CDK2AP1: variants seen among roughly 807,000 people sequenced by gnomAD.
CDK2AP1 encodes cyclin-dependent kinase 2-associated protein 1.
CDK2AP1 carries 10 observed loss-of-function variants against 14.1 expected under a neutral mutation model. That is an observed-to-expected ratio of 0.71 (90% CI 0.44 to 1.20). CDK2AP1 has a LOEUF of 1.20. Ranked by LOEUF, CDK2AP1 falls within the 50% of genes most tolerant of loss-of-function variation. The pLI is 0.00. For missense variants in CDK2AP1, 102 were observed against 149.9 expected (o/e 0.68, Z 1.67); for synonymous variants, 59 against 59.8 (o/e 0.99, Z 0.06).
In CDK2AP1 at chr12:123,267,227, C is replaced by T. The variant is rs577136046; in HGVS notation, c.111G>A (p.Gln37=). Reference sequence around the variant, plus strand: ...ACGGTGGCCCGTAGTCACTGAGCAGCTGGCGGTACTGTGAAGACGTTGCCA... The same window carrying T: ...ACGGTGGCCCGTAGTCACTGAGCAGTTGGCGGTACTGTGAAGACGTTGCCA... ...TSMATSSQYR[Q]LLSDYGPPSL... Residue 37 remains glutamine (Q), a synonymous_variant, in exon 2 of 4, where the codon CAG becomes CAA. Coordinates refer to ENST00000261692, the MANE Select transcript of CDK2AP1 (RefSeq NM_004642.4). 40 of 1,613,444 alleles carry T rather than the reference C, an allele frequency of 2.5e-5. No individual in the cohort carries two copies. In the African/African-American group the frequency reaches 4.8e-4, roughly 19 times the overall value.
Position 123,264,795 on chromosome 12 carries a change from G to A in CDK2AP1, c.280+401C>T, listed in dbSNP as rs905598554. On this transcript the variant is annotated intron_variant, in intron 3 of 3. Coordinates refer to ENST00000261692, the MANE Select transcript of CDK2AP1 (RefSeq NM_004642.4). ...TGGGTCTCCCTCCAAAGAGGTGACA[G>A]CAGAGGGCAGTGCAGGCACCGATGA... Among the ~76,000 whole-genome samples, 6 of 152,260 alleles carry A rather than the reference G, an allele frequency of 3.9e-5. No homozygotes were observed. The South Asian group carries it at 6.2e-4, about 16-fold the overall frequency.
upstream of CDK2AP1, chr12:123,271,886 G>C (rs2048357646): frequency 6.8e-6 from 1 of 146,394 alleles, no homozygotes; most frequent in Admixed American, 6.8e-5. Flanking sequence ...GCCGGGGCCG[G>C]GAGGGGGCGG....
chr12:123,270,303 C>T (rs1167568278), intron 1 of CDK2AP1: 1 of 385,110 alleles, frequency 2.6e-6, no homozygotes, highest in African/African-American at 2.2e-5. Context: ...AACTCTCCCT[C>T]CGCACCCTGA....
intron 3 of CDK2AP1, among the ~76,000 whole-genome samples, chr12:123,264,776 T>G (rs2048271631): frequency 6.6e-6 from 1 of 151,994 alleles, no homozygotes; most frequent in African/African-American, 2.4e-5. Flanking sequence ...TCCTTGGGTC[T>G]CCCTCCAAAG....
At chr12:123,263,361 T>C (rs1263150585) in intron 3 of CDK2AP1, among the ~76,000 whole-genome samples, 2 of 152,166 alleles carry the variant, frequency 1.3e-5, no homozygotes, top group South Asian at 2.1e-4. Context: ...CTTGGTAAGC[T>C]TGGGCTTGGC....
intron 1 of CDK2AP1, chr12:123,271,017 C>T: frequency 2.1e-6 from 2 of 966,796 alleles, no homozygotes; most frequent in Non-Finnish European, 2.4e-6. Context: ...GCCCCGCGAC[C>T]TCAGGGCCCC....
At chr12:123,270,914 G>A (rs1326457451) in intron 1 of CDK2AP1, 3 of 985,118 alleles carry the variant, frequency 3.0e-6, no homozygotes, top group Non-Finnish European at 3.6e-6. Flanking sequence ...GTGACCGCAT[G>A]GGGTAGCCCC....
chr12:123,269,375 C>CT (rs2138823137), intron 1 of CDK2AP1: 1 of 152,546 alleles, frequency 6.6e-6, no homozygotes, highest in South Asian at 2.1e-4. Flanking sequence ...CCCCAGTGCT[C>CT]TGTCCAGGCC....
Position 123,265,425 on chromosome 12 carries a change from C to T in CDK2AP1, c.154-103G>A. The T allele has an allele frequency of 8.8e-7, 1 of 1,141,850 alleles. No individual in the cohort carries two copies. Among genetic ancestry groups the T allele is most frequent in the South Asian group, 1.3e-5 (1 of 74,320 alleles). 70.7% of individuals were successfully genotyped at this position (1,141,850 alleles called of 1,614,324 possible). A position where few individuals can be genotyped will look rare whatever the true frequency, so the allele number is the denominator to read the frequency against. On this transcript the variant is annotated intron_variant, in intron 2 of 3. Transcript: ENST00000261692. This position sits in a 1 kb window ranked among gnomAD's most constrained non-coding sequence, Gnocchi z 5.3. ...GGCTGAGGCAGGAGAACTGCTTGGA[C>T]CCAGGAGGTGGAAGTTGCAGTGAGC...
At chr12:123,268,907 C>G (rs781242900) in intron 1 of CDK2AP1, among the ~76,000 whole-genome samples, 1 of 152,184 alleles carries the variant, frequency 6.6e-6, no homozygotes, top group Non-Finnish European at 1.5e-5. Context: ...CCGGCACAGA[C>G]CTGGGTTCTG....
Position 123,271,572 on chromosome 12 carries a change from AG to A in CDK2AP1, c.46del (p.Leu16SerfsTer32). Reference protein sequence around the residue: ...NLAAHMPAAALNAAGSVHSPS... With the variant: ...NLAAHMPAAAXNAAGSVHSPS... Reference sequence around the variant, plus strand: ...GCACGCGGCTCACTCACCGGCGTTGAGGGCGGCGGCGGGCATGTGCGCGGCC... The same window carrying A: ...GCACGCGGCTCACTCACCGGCGTTGAGGCGGCGGCGGGCATGTGCGCGGCC... On this transcript the variant is annotated frameshift_variant, in exon 1 of 4. Coordinates refer to ENST00000261692, the MANE Select transcript of CDK2AP1 (RefSeq NM_004642.4). LOFTEE classifies it high-confidence loss of function. 1 of 1,009,176 alleles carries A rather than the reference AG, an allele frequency of 9.9e-7. No individual in the cohort carries two copies. Among genetic ancestry groups the A allele is most frequent in the Non-Finnish European group, 1.2e-6 (1 of 846,498 alleles). 62.5% of individuals were successfully genotyped at this position (1,009,176 alleles called of 1,614,324 possible). A position where few individuals can be genotyped will look rare whatever the true frequency, so the allele number is the denominator to read the frequency against.
chr12:123,264,383 C>T (rs578025290), intron 3 of CDK2AP1, among the ~76,000 whole-genome samples: 2 of 147,802 alleles, frequency 1.4e-5, no homozygotes, highest in Admixed American at 7.0e-5. Flanking sequence ...TCGCTTGAAC[C>T]CAGGAGGCGG....
At chr12:123,270,749 G>C in intron 1 of CDK2AP1, 2 of 820,768 alleles carry the variant, frequency 2.4e-6, no homozygotes, top group Non-Finnish European at 2.9e-6. Context: ...GCCCCTCCCG[G>C]CTTCTGCATC....
At position 123,265,102 on chromosome 12, in the gene CDK2AP1, C is replaced by T. The variant is rs1316609356; in HGVS notation, c.280+94G>A. ...AGGAGCTCCCATGAGTGAGCCTCAT[C>T]CCTAGCCCACCTTCCCACATTTTCC... On this transcript the variant is annotated intron_variant, in intron 3 of 3. Transcript: ENST00000261692. The surrounding 1 kb of genome is among the most constrained non-coding windows in gnomAD (Gnocchi z 5.3). 1 of 1,536,670 alleles carries T rather than the reference C, an allele frequency of 6.5e-7. No homozygotes were observed. The highest frequency in any genetic ancestry group is 8.9e-7 in the Non-Finnish European group (1 of 1,122,102).
At chr12:123,264,328 C>CGG (rs1566003154) in intron 3 of CDK2AP1, among the ~76,000 whole-genome samples, 1 of 151,470 alleles carries the variant, frequency 6.6e-6, no homozygotes, top group Non-Finnish European at 1.5e-5. Context: ...GGTGTGGTGG[C>CGG]ACATGCCTGT....
At chr12:123,269,723 G>A (rs915398651) in intron 1 of CDK2AP1, among the ~76,000 whole-genome samples, 2 of 152,222 alleles carry the variant, frequency 1.3e-5, no homozygotes, top group African/African-American at 4.8e-5. Flanking sequence ...CTCCGCCACT[G>A]CCACCACCGG....
At chr12:123,269,555 A>G (rs1226235181) in intron 1 of CDK2AP1, among the ~76,000 whole-genome samples, 5 of 152,186 alleles carry the variant, frequency 3.3e-5, no homozygotes, top group Non-Finnish European at 7.3e-5. Flanking sequence ...AGTGTGCAGG[A>G]GCGAGGGGTT....
At chr12:123,262,636 C>A (rs1447558205) in intron 3 of CDK2AP1, among the ~76,000 whole-genome samples, 1 of 152,162 alleles carries the variant, frequency 6.6e-6, no homozygotes, top group African/African-American at 2.4e-5. Context: ...AGTGCAGTGG[C>A]ACGATCACAG....
rs1462120594 is a variant in CDK2AP1, at chr12:123,261,617, T to C, written c.*119A>G. On this transcript the variant is annotated 3_prime_UTR_variant, in exon 4 of 4. Transcript: ENST00000261692. ...TGTAGGTTCAGAGCCAAGTGAACCA[T>C]GGGAGGAAAAACGAAACTGTAACCA... 1.2e-5 allele frequency: 9 copies of C among 770,578 alleles called. No individual in the cohort carries two copies. The highest frequency in any genetic ancestry group is 6.2e-5 in the South Asian group (4 of 64,110). The allele number at this position is 770,578 out of a possible 1,614,324, so 47.7% of individuals were successfully genotyped here.
Sources: allele counts gnomAD v4.1 joint callset (sites outside exome capture counted in the v4.1 genomes callset), GRCh38; gene constraint gnomAD v4.1.1; non-coding constraint Gnocchi (gnomAD v3.1); transcripts MANE v1.5; gene names NCBI Gene and HGNC (gene_info 2026-07-23, HGNC 2026-07-21).